Variants in VPS35 observed in about 807,000 individuals in gnomAD.
The protein encoded by VPS35 is vacuolar protein sorting-associated protein 35.
A neutral mutation model predicts 98.1 loss-of-function variants in VPS35; 21 were observed. That is an observed-to-expected ratio of 0.21 (90% CI 0.15 to 0.31). VPS35 has a LOEUF of 0.31. VPS35 is among the 10% of genes least tolerant of loss of function. The pLI is 1.00. For missense variants in VPS35, 554 were observed against 950.8 expected (o/e 0.58, Z 5.49); for synonymous variants, 268 against 318.2 (o/e 0.84, Z 1.68).
At chr16:46,681,555 T>C in intron 3 of VPS35, 55 bp from the exon 4 acceptor site, 1 of 1,597,892 alleles carries the variant, frequency 6.3e-7, no homozygotes, top group Non-Finnish European at 8.6e-7. Context: ...AAACAAAACT[T>C]TGAAACTTGT....
At chr16:46,678,780 T>A (rs951328441) in intron 6 of VPS35, among the ~76,000 whole-genome samples, 163 bp downstream of exon 6, 5 of 152,228 alleles carry the variant, frequency 3.3e-5, no homozygotes, top group Non-Finnish European at 5.9e-5. Context: ...AGTCTTCCAA[T>A]CCACAAACAC....
Position 46,682,219 on chromosome 16 carries a change from TAAAC to T in VPS35, c.103-48_103-45del, listed in dbSNP as rs754628035. On this transcript the variant is annotated intron_variant, in intron 2 of 16. Coordinates refer to ENST00000299138, the MANE Select transcript of VPS35 (RefSeq NM_018206.6). ...AATAGATGAGAATGCTTAATTTAAA[TAAAC>T]ATTTATCTTGGTTGTACAAATTCTT... is the stretch of plus-strand genomic sequence containing the variant. 5.0e-6 allele frequency: 7 copies of T among 1,399,172 alleles called. No homozygotes were observed. In the South Asian group the frequency reaches 8.2e-5, roughly 16 times the overall value. 86.7% of individuals were successfully genotyped at this position (1,399,172 alleles called of 1,614,324 possible). A position where few individuals can be genotyped will look rare whatever the true frequency, so the allele number is the denominator to read the frequency against.
At chr16:46,689,098 C>G in intron 1 of VPS35, 33 bp downstream of exon 1, 1 of 1,605,148 alleles carries the variant, frequency 6.2e-7, no homozygotes, top group East Asian at 2.2e-5. Flanking sequence ...CAAGGAGGGT[C>G]GACCCAGGTG....
intron 6 of VPS35, 66 bp downstream of exon 6, chr16:46,678,877 C>A: frequency 6.5e-7 from 1 of 1,545,596 alleles, no homozygotes; most frequent in East Asian, 2.2e-5. Context: ...CAAAAATATT[C>A]TGATTTTAAA....
intron 10 of VPS35, chr16:46,673,895 G>A (rs1273464516): frequency 1.6e-5 from 3 of 188,100 alleles, no homozygotes; most frequent in Non-Finnish European, 3.3e-5. Flanking sequence ...CTTTGAATGC[G>A]GCCCAACACA....
chr16:46,677,273 T>G (rs752091051), intron 7 of VPS35, 42 bp downstream of exon 7: 2 of 1,552,522 alleles, frequency 1.3e-6, no homozygotes, highest in African/African-American at 2.7e-5. Context: ...TAATGAAAGA[T>G]AAAATAGGTC....
Position 46,672,656 on chromosome 16 carries a change from A to G in VPS35, c.1161-184T>C, listed in dbSNP as rs546209438. 3.0e-4 allele frequency among the ~76,000 whole-genome samples: 45 copies of G among 152,354 alleles called. No individual in the cohort carries two copies. In the Middle Eastern group the frequency reaches 0.01, roughly 35 times the overall value. On this transcript the variant is annotated intron_variant, in intron 10 of 16. Transcript: ENST00000299138. ...GGAGGATAAAAATGCTTATCTAAAC[A>G]CAAATATATATTCATCTATTATTTT...
At chr16:46,687,506 T>C (rs2143009596) in intron 1 of VPS35, among the ~76,000 whole-genome samples, 1 of 152,306 alleles carries the variant, frequency 6.6e-6, no homozygotes, top group East Asian at 1.9e-4. Context: ...TTACTTCCTG[T>C]AGTCCTTCCC....
At chr16:46,683,714 C>T (rs1408636387) in intron 1 of VPS35, 108 bp from the exon 2 acceptor site, 11 of 1,197,780 alleles carry the variant, frequency 9.2e-6, no homozygotes. Context: ...AGCTCTATAC[C>T]TCAAACCCAT....
chr16:46,686,838 T>G (rs1296881586), intron 1 of VPS35, among the ~76,000 whole-genome samples: 1 of 152,224 alleles, frequency 6.6e-6, no homozygotes. Context: ...CAAATTAACA[T>G]TTGTGATTAG....
Position 46,671,990 on chromosome 16 carries a change from G to C in VPS35, c.1369-130C>G, listed in dbSNP as rs919945313. On this transcript the variant is annotated intron_variant, in intron 11 of 16. Transcript: ENST00000299138. ...AGATATTCCTTTTTTTGGTGAGAAA[G>C]TCGATACACATGTATGTCATACACA... 2.3e-6 allele frequency: 3 copies of C among 1,289,984 alleles called. No individual in the cohort carries two copies. The Admixed American group carries it at 5.9e-5, about 26-fold the overall frequency. The allele number at this position is 1,289,984 out of a possible 1,614,324, so 79.9% of individuals were successfully genotyped here. A position where few individuals can be genotyped will look rare whatever the true frequency, so the allele number is the denominator to read the frequency against.
intron 12 of VPS35, among the ~76,000 whole-genome samples, chr16:46,669,666 CAAAAAAA>C (rs949838651): frequency 4.6e-4 from 28 of 60,754 alleles, no homozygotes; most frequent in East Asian, 3.0e-3. Context: ...GATTCCATCT[CAAAAAAA>C]AAAAAAAAGA....
chr16:46,683,386 G>T, intron 2 of VPS35, 122 bp downstream of exon 2: 1 of 925,324 alleles, frequency 1.1e-6, no homozygotes, highest in South Asian at 1.4e-5. Flanking sequence ...TGAGACTGAA[G>T]ATAGATGCTG....
intron 12 of VPS35, 39 bp downstream of exon 12, chr16:46,671,666 A>G: frequency 1.2e-6 from 2 of 1,613,312 alleles, no homozygotes; most frequent in South Asian, 1.1e-5. Flanking sequence ...TGATTTCACT[A>G]GGAGCTGATA....
At position 46,671,826 on chromosome 16, in the gene VPS35, A is replaced by G. The variant is rs747414987; in HGVS notation, c.1403T>C (p.Ile468Thr). The change falls in exon 12 of 17, where the codon ATT becomes ACT. Residue 468 changes from isoleucine (I) to threonine (T), a missense_variant. This residue lies in a region of VPS35 where 254 missense variants were observed against 390.1 expected (regional missense o/e 0.65). Transcript: ENST00000299138. ...DSIMNLVSTLIQDQPDQPVED... is the reference protein window; with the variant it reads ...DSIMNLVSTLTQDQPDQPVED... ...TACAGGTTGATCTGGCTGATCTTGAATCAACGTGGATACCAAATTCATTAT... is the reference window on the plus strand; with the variant it reads ...TACAGGTTGATCTGGCTGATCTTGAGTCAACGTGGATACCAAATTCATTAT... The G allele has an allele frequency of 2.4e-5, 38 of 1,613,226 alleles. No homozygotes were observed. The South Asian group carries it at 4.1e-4, about 17-fold the overall frequency.
At chr16:46,666,401 TG>T (rs1388762107) in intron 13 of VPS35, among the ~76,000 whole-genome samples, 1 of 152,048 alleles carries the variant, frequency 6.6e-6, no homozygotes, top group Non-Finnish European at 1.5e-5. Context: ...CCCGAGTAGC[TG>T]GGACTACAGG....
intron 1 of VPS35, among the ~76,000 whole-genome samples, chr16:46,686,553 G>A (rs1047879636): frequency 5.3e-5 from 8 of 152,196 alleles, no homozygotes; most frequent in African/African-American, 1.9e-4. Context: ...AGCTACAAGT[G>A]AAGACATAAA....
chr16:46,681,530 A>C (rs748793400), intron 3 of VPS35, 30 bp from the exon 4 acceptor site: 1 of 1,610,390 alleles, frequency 6.2e-7, no homozygotes, highest in East Asian at 2.2e-5. Flanking sequence ...ACTAAAAATA[A>C]AAATAAGCCA....
chr16:46,669,001 G>A lies in VPS35; in HGVS notation c.1576C>T (p.Arg526Cys), dbSNP rs398124658. The change falls in exon 13 of 17, where the codon CGC becomes TGC. Residue 526 changes from arginine (R) to cysteine (C), a missense_variant. Around this residue, in one of 5 missense-constraint regions of VPS35, gnomAD observed 254 missense variants for 390.1 expected, o/e 0.65. Transcript: ENST00000299138. ...HFGAGGNQRI[R>C]FTLPPLVFAA... ...AATACCAAAGGTGGCAGTGTGAAGC[G>A]AATCCGCTGATTTCCACCAGCTCCA... 54 of 1,614,004 alleles carry A rather than the reference G, an allele frequency of 3.3e-5. No homozygotes were observed. Among genetic ancestry groups the A allele is most frequent in the Non-Finnish European group, 4.2e-5 (49 of 1,180,042 alleles).
Sources: gnomAD v4.1 joint callset for allele counts (sites outside exome capture counted in the v4.1 genomes callset) on GRCh38, gnomAD v4.1.1 for gene constraint, gnomAD v4.1.1 regional missense constraint, MANE v1.5 for transcripts, NCBI Gene and HGNC (gene_info 2026-07-23, HGNC 2026-07-21) for gene names.